Variants in ENOX2 observed in about 807,000 individuals in gnomAD.
ENOX2 encodes APK1 antigen.
A neutral mutation model predicts 45.0 loss-of-function variants in ENOX2; 36 were observed. The observed-to-expected ratio is 0.80, with a 90% confidence interval of 0.61 to 1.06. The LOEUF is 1.06. Ranked by LOEUF, ENOX2 falls within the 50% of genes least tolerant of loss-of-function variation. The pLI is 0.00. For missense variants in ENOX2, 423 were observed against 462.5 expected, an observed-to-expected ratio of 0.91 and a Z score of 0.78; for synonymous variants, 174 against 152.3, an observed-to-expected ratio of 1.14 and a Z score of -1.05.
At chrX:130,760,332 G>A (rs972622723) in intron 3 of ENOX2, among the ~76,000 whole-genome samples, 7 of 111,408 alleles carry the variant, frequency 6.3e-5, no homozygotes, top group Non-Finnish European at 1.3e-4. Context: ...TGATCTGTAA[G>A]CCTTTTATTT....
At chrX:130,865,633 C>T (rs1456457754) in intron 2 of ENOX2, among the ~76,000 whole-genome samples, 1 of 112,129 alleles carries the variant, frequency 8.9e-6, no homozygotes, top group Non-Finnish European at 1.9e-5. Flanking sequence ...ACTTAGGAAA[C>T]ATCATTGAGT....
rs191648612 is a variant in ENOX2, at chrX:130,824,108, C to A, written c.-182-40418G>T. On this transcript the variant is annotated intron_variant, in intron 2 of 14. Coordinates refer to ENST00000394363, the MANE Select transcript of ENOX2 (RefSeq NM_006375.4). ...GAAATTATTTATCCAAGGCAAATAG[C>A]TGTTGATAAAGGAACTGACAGATTT... is the stretch of plus-strand genomic sequence containing the variant. Among the ~76,000 whole-genome samples, 463 of 111,936 alleles carry A rather than the reference C, an allele frequency of 4.1e-3. 2 individuals are homozygous for A. Among genetic ancestry groups the A allele is most frequent in the African/African-American group, 0.014 (445 of 30,920 alleles).
At chrX:130,837,464 T>C (rs1465470590) in intron 2 of ENOX2, among the ~76,000 whole-genome samples, 1 of 112,083 alleles carries the variant, frequency 8.9e-6, no homozygotes, top group Non-Finnish European at 1.9e-5. Flanking sequence ...TTTGAGGTTA[T>C]CTTACTTTTA....
intron 10 of ENOX2, among the ~76,000 whole-genome samples, chrX:130,643,192 A>C (rs2036136367): frequency 9.0e-6 from 1 of 111,713 alleles, no homozygotes; most frequent in Non-Finnish European, 1.9e-5. Context: ...AAAAAGTATA[A>C]ATGATATGAT....
chrX:130,892,535 T>G (rs2079000709), intron 2 of ENOX2, among the ~76,000 whole-genome samples: 1 of 112,668 alleles, frequency 8.9e-6, no homozygotes, highest in African/African-American at 3.2e-5. Flanking sequence ...CAGATTCCCT[T>G]CTGTCCTTCC....
chrX:130,746,026 A>G (rs1483589503), intron 3 of ENOX2, among the ~76,000 whole-genome samples: 1 of 112,251 alleles, frequency 8.9e-6, no homozygotes, highest in Admixed American at 9.4e-5. Context: ...GGAATCTATC[A>G]TTTGTTCTCT....
At chrX:130,628,155 C>A in intron 13 of ENOX2, 112 bp from the exon 14 acceptor site, 1 of 522,708 alleles carries the variant, frequency 1.9e-6, no homozygotes. Context: ...ATACTGGACA[C>A]TATTCTAAGT....
At chrX:130,872,324 G>A (rs1227589361) in intron 2 of ENOX2, among the ~76,000 whole-genome samples, 1 of 112,311 alleles carries the variant, frequency 8.9e-6, no homozygotes, top group Non-Finnish European at 1.9e-5. Context: ...ATTTATCTCA[G>A]TGATTTTCAG....
rs749676899 is a variant in ENOX2 at position 130,898,505 on chromosome X, CGTGT to C, written c.-183+3175_-183+3178del. Among the ~76,000 whole-genome samples the C allele has an allele frequency of 7.2e-4, 78 of 108,267 alleles. 2 individuals carry two copies. The highest frequency in any genetic ancestry group is 4.6e-3 in the Middle Eastern group (1 of 216). The allele number at this position is 108,267 out of a possible 115,157, so 94.0% of individuals were successfully genotyped here. ...GTGTGTGCGTGTGCGTGTGTGTGTG[CGTGT>C]GTGTGTGTGTATTATGTATATGTTT... is the stretch of plus-strand genomic sequence containing the variant. On this transcript the variant is annotated intron_variant, in intron 2 of 14. Coordinates refer to ENST00000394363, the MANE Select transcript of ENOX2 (RefSeq NM_006375.4).
intron 3 of ENOX2, among the ~76,000 whole-genome samples, chrX:130,751,223 C>T (rs931737191): frequency 3.6e-5 from 4 of 111,691 alleles, no homozygotes. Context: ...CCCTAGCCAC[C>T]GGCAACCACC....
chrX:130,899,267 C>T (rs1281949113), intron 2 of ENOX2, among the ~76,000 whole-genome samples: 2 of 112,297 alleles, frequency 1.8e-5, no homozygotes, highest in Non-Finnish European at 3.8e-5. Flanking sequence ...CTAGTCTTTT[C>T]ATAGCATTTG....
At chrX:130,726,383 G>A (rs1465756992) in intron 3 of ENOX2, among the ~76,000 whole-genome samples, 1 of 112,362 alleles carries the variant, frequency 8.9e-6, no homozygotes, top group Non-Finnish European at 1.9e-5. Context: ...ACCCTGATAT[G>A]CATGCCCAGT....
intron 10 of ENOX2, among the ~76,000 whole-genome samples, chrX:130,653,230 C>T (rs781324233): frequency 4.5e-5 from 5 of 111,950 alleles, no homozygotes; most frequent in South Asian, 3.8e-4. Context: ...GCCTTCACTC[C>T]GGTCCCACCC....
intron 5 of ENOX2, among the ~76,000 whole-genome samples, chrX:130,685,316 A>G (rs2037418795): frequency 9.0e-6 from 1 of 111,391 alleles, no homozygotes; most frequent in African/African-American, 3.3e-5. Context: ...AGGCAATTAA[A>G]AGGACTTTAG....
chrX:130,828,093 T>C (rs1315095363), intron 2 of ENOX2, among the ~76,000 whole-genome samples: 1 of 112,225 alleles, frequency 8.9e-6, no homozygotes, highest in Non-Finnish European at 1.9e-5. Flanking sequence ...CTCCAGCCAC[T>C]AGAACGGTGT....
At chrX:130,864,337 C>T (rs2078457001) in intron 2 of ENOX2, among the ~76,000 whole-genome samples, 1 of 110,603 alleles carries the variant, frequency 9.0e-6, no homozygotes, top group African/African-American at 3.3e-5. Flanking sequence ...CTGCCAAGAA[C>T]CACCCGAGCT....
chrX:130,767,043 A>G (rs1362276759), intron 3 of ENOX2, among the ~76,000 whole-genome samples: 1 of 111,664 alleles, frequency 9.0e-6, no homozygotes, highest in Non-Finnish European at 1.9e-5. Flanking sequence ...GAATGTTGCA[A>G]AAGTCAGTAA....
At chrX:130,682,539 T>C (rs1348526574) in intron 5 of ENOX2, among the ~76,000 whole-genome samples, 1 of 89,414 alleles carries the variant, frequency 1.1e-5, no homozygotes, top group Non-Finnish European at 2.1e-5. Context: ...AGCTAAGATC[T>C]TGCCACTGCA....
chrX:130,868,126 G>A (rs1288284671), intron 2 of ENOX2, among the ~76,000 whole-genome samples: 1 of 111,285 alleles, frequency 9.0e-6, no homozygotes, highest in African/African-American at 3.3e-5. Flanking sequence ...GAAGAGTCTG[G>A]CAATTCCTCA....
Sources: gnomAD v4.1 joint callset for allele counts (sites outside exome capture counted in the v4.1 genomes callset) on GRCh38, gnomAD v4.1.1 for gene constraint, MANE v1.5 for transcripts, NCBI Gene and HGNC (gene_info 2026-07-23, HGNC 2026-07-21) for gene names.